OPA1: variants seen among roughly 807,000 people sequenced by gnomAD.
OPA1 encodes dynamin-like GTPase OPA1, mitochondrial.
Under a neutral mutation model 152.9 loss-of-function variants are expected in OPA1, and 59 were observed. The observed-to-expected ratio is 0.39, with a 90% CI of 0.31 to 0.48. OPA1 has a LOEUF of 0.48. Among genes scored for constraint, OPA1 ranks in the 20% least tolerant of loss-of-function variants. OPA1 has a pLI of 0.96. For missense variants in OPA1, 1,008 were observed against 1,216.8 expected (o/e 0.83, Z 2.55); for synonymous variants, 400 against 389.9 (o/e 1.03, Z -0.31).
chr3:193,662,915 G>A lies in OPA1; in HGVS notation c.2614G>A (p.Val872Ile), dbSNP rs1715628987. ...AYLASDEITT[V>I]RKNLESRGVE... ...TCTTGCAAGTGATGAAATAACCACAGTCCGGAAGAACCTTGAATCCCGAGG... is the reference window on the plus strand; with the variant it reads ...TCTTGCAAGTGATGAAATAACCACAATCCGGAAGAACCTTGAATCCCGAGG... Residue 872 changes from valine to isoleucine, a missense_variant, in exon 26 of 31, where the codon GTC becomes ATC. Coordinates refer to ENST00000361510, the MANE Select transcript of OPA1 (RefSeq NM_130837.3). 1.2e-6 allele frequency: 2 copies of A among 1,613,550 alleles called. No homozygotes were observed. Among genetic ancestry groups the A allele is most frequent in the Admixed American group, 3.3e-5 (2 of 59,986 alleles).
intron 4 of OPA1, 53 bp downstream of exon 4, chr3:193,617,338 A>G (rs1729196781): frequency 1.0e-6 from 1 of 1,001,584 alleles, no homozygotes; most frequent in Admixed American, 1.8e-5. Flanking sequence ...CATGGAGGAA[A>G]AATACATGGA....
chr3:193,687,478 GAATATTTAATTCA>G (rs1721075807), intron 29 of OPA1, among the ~76,000 whole-genome samples: 1 of 152,090 alleles, frequency 6.6e-6, no homozygotes, highest in African/African-American at 2.4e-5. Context: ...CTTTATTTGT[GAATATTTAATTCA>G]AATATTTAAT....
Position 193,645,632 on chromosome 3 carries a change from A to G in OPA1, c.1681+7A>G, listed in dbSNP as rs1734458242. ...GCTGTTGTAACAGGAAAAGGTATGCAAAGATGGATTATAATAACTTATTTT... is the reference window on the plus strand; with the variant it reads ...GCTGTTGTAACAGGAAAAGGTATGCGAAGATGGATTATAATAACTTATTTT... On this transcript the variant is annotated splice_region_variant and intron_variant, in intron 17 of 30. Coordinates refer to ENST00000361510, the MANE Select transcript of OPA1 (RefSeq NM_130837.3). 6.2e-7 allele frequency: 1 copy of G among 1,610,116 alleles called. No homozygotes were observed. The highest frequency in any genetic ancestry group is 8.5e-7 in the Non-Finnish European group (1 of 1,176,656).
chr3:193,689,249 T>G (rs1721358305), intron 29 of OPA1: 1 of 152,198 alleles, frequency 6.6e-6, no homozygotes, highest in African/African-American at 2.4e-5. Flanking sequence ...AAATGTTTTT[T>G]AGTTAATGTT....
At chr3:193,632,165 GT>G (rs1421327458) in intron 8 of OPA1, among the ~76,000 whole-genome samples, 1 of 152,180 alleles carries the variant, frequency 6.6e-6, no homozygotes, top group Non-Finnish European at 1.5e-5. Flanking sequence ...AATGTAATGA[GT>G]GGGTAACATT....
At position 193,626,191 on chromosome 3, in the gene OPA1, C is replaced by G; in HGVS notation, c.778C>G (p.Gln260Glu). 1 of 1,613,362 alleles carries G rather than the reference C, an allele frequency of 6.2e-7. No individual in the cohort carries two copies. Among genetic ancestry groups the G allele is most frequent in the Non-Finnish European group, 8.5e-7 (1 of 1,179,304 alleles). Residue 260 changes from glutamine (Q) to glutamate (E), a missense_variant, in exon 7 of 31, where the codon CAG becomes GAG. By Grantham distance (29) the Gln-to-Glu change is conservative. Transcript: ENST00000361510. The part of the protein sequence containing the change: ...AGQYSTSYAQ[Q>E]KRKVSDKEKI... ...CCAATATAGCACGAGCTATGCCCAA[C>G]AGAAGCGCAAGGTGATGGATGGTTT...
intron 29 of OPA1, among the ~76,000 whole-genome samples, chr3:193,676,782 C>G (rs145745242): frequency 6.6e-5 from 10 of 151,958 alleles, no homozygotes; most frequent in Non-Finnish European, 1.0e-4. Flanking sequence ...AGATCCAGAC[C>G]ATCCTGGCTA....
intron 4 of OPA1, 98 bp from the exon 5 acceptor site, chr3:193,617,686 C>A: frequency 1.2e-6 from 1 of 869,564 alleles, no homozygotes; most frequent in Non-Finnish European, 1.9e-6. Context: ...CCAATTATTG[C>A]CCTATCGTAA....
chr3:193,601,006 CT>C (rs1287605734), intron 1 of OPA1, among the ~76,000 whole-genome samples: 2 of 152,088 alleles, frequency 1.3e-5, no homozygotes, highest in African/African-American at 4.8e-5. Flanking sequence ...AAACATAGGC[CT>C]CCAGCTTGAG....
At chr3:193,674,799 T>C (rs888310546) in intron 29 of OPA1, among the ~76,000 whole-genome samples, 6 of 152,152 alleles carry the variant, frequency 3.9e-5, no homozygotes, top group Admixed American at 1.3e-4. Context: ...GTCTGTGAAG[T>C]AGTATGAGAT....
chr3:193,627,252 C>T (rs1201486390), intron 7 of OPA1: 1 of 152,174 alleles, frequency 6.6e-6, no homozygotes, highest in East Asian at 1.9e-4. Context: ...ATGTTTTCAG[C>T]ATCACTTCCT....
chr3:193,694,457 C>T (rs1577417720), intron 30 of OPA1, 149 bp from the exon 31 acceptor site: 3 of 152,170 alleles, frequency 2.0e-5, no homozygotes, highest in African/African-American at 7.2e-5. Context: ...ATTGTTAGGT[C>T]GGTGATAGAC....
chr3:193,662,332 C>T (rs1669898774), intron 25 of OPA1, among the ~76,000 whole-genome samples: 1 of 152,106 alleles, frequency 6.6e-6, no homozygotes, highest in African/African-American at 2.4e-5. Flanking sequence ...AAAAATCAAG[C>T]TATGCATTTT....
intron 1 of OPA1, among the ~76,000 whole-genome samples, chr3:193,610,068 G>A (rs149498223): frequency 1.1e-4 from 17 of 152,308 alleles, no homozygotes; most frequent in Middle Eastern, 3.4e-3. Flanking sequence ...GCTTTGTTCC[G>A]TTGCTGGTGA....
chr3:193,636,157 TCATGG>T (rs1732894281), intron 9 of OPA1, among the ~76,000 whole-genome samples: 1 of 152,012 alleles, frequency 6.6e-6, no homozygotes, highest in Admixed American at 6.6e-5. Context: ...CTGCAGTAAA[TCATGG>T]CATGTACATT....
chr3:193,690,631 A>G (rs1721556857), intron 29 of OPA1, among the ~76,000 whole-genome samples: 1 of 152,184 alleles, frequency 6.6e-6, no homozygotes, highest in Non-Finnish European at 1.5e-5. Context: ...AAAAAGGACA[A>G]TTCTTCATTT....
At chr3:193,594,683 C>T (rs1190130768) in intron 1 of OPA1, among the ~76,000 whole-genome samples, 2 of 152,162 alleles carry the variant, frequency 1.3e-5, no homozygotes, top group Admixed American at 6.5e-5. Context: ...CCACCGCGCC[C>T]GGCCCAATTT....
At chr3:193,679,784 G>C (rs1012697693) in intron 29 of OPA1, among the ~76,000 whole-genome samples, 1 of 152,126 alleles carries the variant, frequency 6.6e-6, no homozygotes, top group Admixed American at 6.5e-5. Flanking sequence ...CCTCCAAAAA[G>C]ATAATTCTAG....
At chr3:193,679,991 C>T (rs1560068723) in intron 29 of OPA1, among the ~76,000 whole-genome samples, 1 of 152,052 alleles carries the variant, frequency 6.6e-6, no homozygotes, top group Non-Finnish European at 1.5e-5. Flanking sequence ...GGTGATAAAC[C>T]GAGAACTTCT....
Sources: gnomAD v4.1 joint callset for allele counts (sites outside exome capture counted in the v4.1 genomes callset) on GRCh38, gnomAD v4.1.1 for gene constraint, MANE v1.5 for transcripts, NCBI Gene and HGNC (gene_info 2026-07-23, HGNC 2026-07-21) for gene names.